The following ATP8B4 variants were observed in gnomAD, a reference collection of about 807,000 sequenced individuals.
The protein encoded by ATP8B4 is ATPase phospholipid transporting 8B4 (putative), also known as probable phospholipid-transporting ATPase IM.
ATP8B4 carries 133 observed loss-of-function variants against 145.6 expected under a neutral mutation model. The observed-to-expected ratio is 0.91, with a 90% CI of 0.79 to 1.05. The LOEUF is 1.05. Ranked by LOEUF, ATP8B4 falls within the 50% of genes least tolerant of loss-of-function variation. ATP8B4 has a pLI of 0.00. For synonymous variants in ATP8B4, 507 were observed against 492.9 expected, an observed-to-expected ratio of 1.03 and a Z score of -0.38; for missense variants, 1,458 against 1,425.2, an observed-to-expected ratio of 1.02 and a Z score of -0.37.
At chr15:50,094,004 A>G (rs986329656) in intron 2 of ATP8B4, among the ~76,000 whole-genome samples, 2 of 152,180 alleles carry the variant, frequency 1.3e-5, no homozygotes, top group African/African-American at 4.8e-5. Context: ...CTGACAAACC[A>G]AAAGGAGAAA....
At chr15:50,007,095 T>TA (rs1041081906) in intron 7 of ATP8B4, among the ~76,000 whole-genome samples, 1 of 77,838 alleles carries the variant, frequency 1.3e-5, no homozygotes, top group Non-Finnish European at 2.4e-5. Context: ...ATGCAGAACA[T>TA]AAAAAAAATA....
chr15:50,100,946 C>T (rs2153663342), intron 2 of ATP8B4, among the ~76,000 whole-genome samples: 1 of 152,260 alleles, frequency 6.6e-6, no homozygotes. Context: ...ATTATGTACA[C>T]AGTATTTGTG....
At chr15:50,087,126 T>C (rs192285884) in intron 2 of ATP8B4, among the ~76,000 whole-genome samples, 1,505 of 125,386 alleles carry the variant, frequency 0.012, 55 homozygotes, top group African/African-American at 0.046. Flanking sequence ...TTATATATAA[T>C]ATATAGATCT....
chr15:49,998,577 T>C (rs1250940202), intron 8 of ATP8B4, among the ~76,000 whole-genome samples: 1 of 152,194 alleles, frequency 6.6e-6, no homozygotes, highest in Non-Finnish European at 1.5e-5. Flanking sequence ...ACCCACTTTT[T>C]GATGAGGTTG....
chr15:50,033,167 A>G (rs774534736), intron 6 of ATP8B4, among the ~76,000 whole-genome samples: 1 of 152,222 alleles, frequency 6.6e-6, no homozygotes, highest in African/African-American at 2.4e-5. Context: ...CCCATAATAC[A>G]GTTTCCAAAA....
intron 2 of ATP8B4, among the ~76,000 whole-genome samples, chr15:50,081,068 A>C (rs1008239794): frequency 1.3e-5 from 2 of 150,980 alleles, no homozygotes; most frequent in Non-Finnish European, 2.9e-5. Context: ...AGCCGAGATC[A>C]CGCCACTGCA....
chr15:50,124,838 C>G (rs1310966735), intron 1 of ATP8B4, among the ~76,000 whole-genome samples: 1 of 152,120 alleles, frequency 6.6e-6, no homozygotes, highest in East Asian at 1.9e-4. Flanking sequence ...CTATCTGAAC[C>G]ATGTGTTCCA....
At chr15:50,150,928 GTC>G (rs1328757205) in intron 1 of ATP8B4, among the ~76,000 whole-genome samples, 5 of 152,344 alleles carry the variant, frequency 3.3e-5, no homozygotes, top group Admixed American at 2.6e-4. Flanking sequence ...AGGGGTAAGA[GTC>G]TCATTATGAT....
chr15:49,919,783 G>T (rs1183965861), intron 18 of ATP8B4, among the ~76,000 whole-genome samples: 1 of 152,114 alleles, frequency 6.6e-6, no homozygotes, highest in East Asian at 1.9e-4. Flanking sequence ...AGGTATTCCT[G>T]GCCACTGGGG....
Position 50,030,411 on chromosome 15 carries a change from G to A in ATP8B4, c.362+8357C>T, listed in dbSNP as rs906677847. On this transcript the variant is annotated intron_variant, in intron 6 of 27. Transcript: ENST00000284509. Reference sequence around the variant, plus strand: ...AATAGATTTGAGTTCAGAGCTGAGGGAGAATCAAACTACTTTGTGTAATAG... The same window carrying A: ...AATAGATTTGAGTTCAGAGCTGAGGAAGAATCAAACTACTTTGTGTAATAG... Among the ~76,000 whole-genome samples the A allele has an allele frequency of 2.6e-5, 4 of 152,246 alleles. No homozygotes were observed. The East Asian group carries it at 5.8e-4, about 22-fold the overall frequency.
At chr15:49,881,174 TATAA>T (rs1349100396) in intron 23 of ATP8B4, among the ~76,000 whole-genome samples, 2 of 152,088 alleles carry the variant, frequency 1.3e-5, no homozygotes, top group African/African-American at 2.4e-5. Context: ...ATTTCCATGG[TATAA>T]ATATTCCTCC....
At chr15:49,886,038 A>T (rs1457934692) in intron 23 of ATP8B4, 4 of 152,144 alleles carry the variant, frequency 2.6e-5, no homozygotes, top group African/African-American at 4.8e-5. Context: ...CGGTAGTTCC[A>T]TGATGCCCCT....
chr15:50,043,156 T>C (rs536431817), intron 5 of ATP8B4, among the ~76,000 whole-genome samples: 7 of 152,350 alleles, frequency 4.6e-5, no homozygotes, highest in Admixed American at 3.3e-4. Context: ...CTGTAACTCA[T>C]TGGCATAGAC....
chr15:49,869,812 T>C (rs550087316), intron 25 of ATP8B4, among the ~76,000 whole-genome samples: 6 of 152,326 alleles, frequency 3.9e-5, no homozygotes, highest in African/African-American at 1.4e-4. Context: ...ACCTAATATG[T>C]TTTAATAAAG....
At chr15:50,057,240 T>C (rs1301491492) in intron 3 of ATP8B4, among the ~76,000 whole-genome samples, 1 of 152,188 alleles carries the variant, frequency 6.6e-6, no homozygotes, top group Admixed American at 6.5e-5. Flanking sequence ...TCCTTCCATC[T>C]CCAGGCGCTA....
At chr15:49,954,795 C>T (rs2043412869) in intron 14 of ATP8B4, among the ~76,000 whole-genome samples, 1 of 152,132 alleles carries the variant, frequency 6.6e-6, no homozygotes, top group Admixed American at 6.5e-5. Flanking sequence ...AGTTGAACTA[C>T]CATTTGACTC....
intron 1 of ATP8B4, among the ~76,000 whole-genome samples, chr15:50,160,474 T>G (rs1209696006): frequency 2.6e-5 from 4 of 151,974 alleles, no homozygotes; most frequent in Admixed American, 2.6e-4. Flanking sequence ...TATCGTTAAG[T>G]TGTTTATCTG....
intron 20 of ATP8B4, among the ~76,000 whole-genome samples, chr15:49,915,315 G>A (rs920757029): frequency 6.6e-6 from 1 of 152,140 alleles, no homozygotes; most frequent in Non-Finnish European, 1.5e-5. Context: ...GTATGGGTGG[G>A]AATGCGGGGG....
At chr15:50,107,127 G>A in intron 1 of ATP8B4, 119 bp from the exon 2 acceptor site, 1 of 543,716 alleles carries the variant, frequency 1.8e-6, no homozygotes, top group Non-Finnish European at 3.1e-6. Context: ...ACACAGGAAA[G>A]AACAACAGAT....
Sources: gnomAD v4.1 joint callset for allele counts (sites outside exome capture counted in the v4.1 genomes callset) on GRCh38, gnomAD v4.1.1 for gene constraint, MANE v1.5 for transcripts, NCBI Gene and HGNC (gene_info 2026-07-23, HGNC 2026-07-21) for gene names.